Variants in SLC44A5 observed in about 807,000 individuals in gnomAD.
SLC44A5 encodes the protein choline transporter-like protein 5.
Under a neutral mutation model 101.8 loss-of-function variants are expected in SLC44A5, and 57 were observed. That is an observed-to-expected ratio of 0.56 (90% confidence interval 0.45 to 0.70). SLC44A5 has a LOEUF of 0.70. SLC44A5 is among the 30% of genes least tolerant of loss of function. The probability of loss-of-function intolerance (pLI) is 0.00; values close to 1 mark genes in which losing one functional copy is unlikely to be tolerated. For missense variants in SLC44A5, 737 were observed against 853.1 expected (o/e 0.86, Z 1.70); for synonymous variants, 281 against 290.9 (o/e 0.97, Z 0.35).
intron 4 of SLC44A5, among the ~76,000 whole-genome samples, chr1:75,305,738 G>A (rs959073430): frequency 9.9e-5 from 15 of 152,270 alleles, no homozygotes; most frequent in South Asian, 6.2e-4. Flanking sequence ...TAGAATAACC[G>A]TTAACAATGT....
chr1:75,687,079 C>T, the SLC44A5 span, among the ~76,000 whole-genome samples: 34 of 152,110 alleles, frequency 2.2e-4, no homozygotes, highest in African/African-American at 8.0e-4. Context: ...GAAAGAGCTA[C>T]ATAAGCTAGG....
At chr1:75,339,251 A>G (rs967577300) in intron 4 of SLC44A5, among the ~76,000 whole-genome samples, 1 of 152,220 alleles carries the variant, frequency 6.6e-6, no homozygotes, top group African/African-American at 2.4e-5. Context: ...ACAGGTGCAT[A>G]AAACAACTAC....
At chr1:75,479,747 T>C (rs1320744996) in intron 2 of SLC44A5, among the ~76,000 whole-genome samples, 5 of 152,144 alleles carry the variant, frequency 3.3e-5, no homozygotes, top group Admixed American at 6.5e-5. Flanking sequence ...TCTGAAATTG[T>C]GGCAATAATC....
chr1:75,586,734 C>T (rs1674023698), intron 1 of SLC44A5, among the ~76,000 whole-genome samples: 1 of 152,094 alleles, frequency 6.6e-6, no homozygotes, highest in Non-Finnish European at 1.5e-5. Flanking sequence ...TAGGGCATTA[C>T]TTGCTATCTT....
chr1:75,270,524 T>G (rs1328579799), intron 6 of SLC44A5, among the ~76,000 whole-genome samples: 1 of 152,066 alleles, frequency 6.6e-6, no homozygotes, highest in African/African-American at 2.4e-5. Context: ...AAAAATAAAT[T>G]TCTAGGGAAT....
chr1:75,426,545 A>G (rs1020305692), intron 2 of SLC44A5, among the ~76,000 whole-genome samples: 3 of 152,230 alleles, frequency 2.0e-5, no homozygotes, highest in African/African-American at 7.2e-5. Flanking sequence ...CTGCAGAAAG[A>G]CACATCTAAC....
intron 3 of SLC44A5, among the ~76,000 whole-genome samples, chr1:75,388,669 C>G (rs1661572193): frequency 6.6e-6 from 1 of 151,824 alleles, no homozygotes; most frequent in Admixed American, 6.6e-5. Flanking sequence ...GTCCCAGCAA[C>G]TTGGGAGGCT....
chr1:75,716,485 CAAAAA>C, the SLC44A5 span, among the ~76,000 whole-genome samples: 22 of 151,748 alleles, frequency 1.4e-4, no homozygotes, highest in African/African-American at 5.1e-4. Context: ...AAAGGAAAAA[CAAAAA>C]GAAAAGGGAA....
chr1:75,206,549 A>AATC, intron 23 of SLC44A5: 1 of 1,150,452 alleles, frequency 8.7e-7, no homozygotes, highest in East Asian at 2.4e-5. Context: ...TCCAAATTAC[A>AATC]ATCAACCTAA....
At chr1:75,292,712 T>A (rs897772454) in intron 5 of SLC44A5, among the ~76,000 whole-genome samples, 1 of 152,182 alleles carries the variant, frequency 6.6e-6, no homozygotes, top group Non-Finnish European at 1.5e-5. Flanking sequence ...CCCAAACTGT[T>A]CTTGGATACT....
chr1:75,321,608 AC>A (rs1399115538), intron 4 of SLC44A5, among the ~76,000 whole-genome samples: 1 of 152,156 alleles, frequency 6.6e-6, no homozygotes, highest in East Asian at 1.9e-4. Context: ...GGGTTTCAAC[AC>A]GTATATTTTG....
the SLC44A5 span, among the ~76,000 whole-genome samples, chr1:75,678,443 G>A: frequency 6.6e-6 from 1 of 151,964 alleles, no homozygotes; most frequent in Non-Finnish European, 1.5e-5. Flanking sequence ...TCCTCAAGTG[G>A]GTCCCTGACC....
intron 3 of SLC44A5, among the ~76,000 whole-genome samples, chr1:75,350,458 G>T (rs563397267): frequency 6.6e-6 from 1 of 151,748 alleles, no homozygotes; most frequent in South Asian, 2.1e-4. Context: ...AGTAGGCTAA[G>T]AAATATACAA....
At chr1:75,509,136 C>T (rs1266872964) in intron 2 of SLC44A5, among the ~76,000 whole-genome samples, 2 of 152,194 alleles carry the variant, frequency 1.3e-5, no homozygotes, top group Non-Finnish European at 2.9e-5. Context: ...ATGCCCCACA[C>T]CTCGTGCTTC....
the SLC44A5 span, among the ~76,000 whole-genome samples, chr1:75,672,945 G>T: frequency 2.0e-5 from 3 of 152,106 alleles, no homozygotes; most frequent in Non-Finnish European, 2.9e-5. Flanking sequence ...TGACTAGTCA[G>T]CAGTAGCCCA....
chr1:75,510,000 T>C (rs1447467022), intron 2 of SLC44A5, among the ~76,000 whole-genome samples: 1 of 152,136 alleles, frequency 6.6e-6, no homozygotes, highest in African/African-American at 2.4e-5. Flanking sequence ...AAGACACATC[T>C]TACATGGCAG....
At chr1:75,548,787 T>G (rs1671787682) in intron 1 of SLC44A5, among the ~76,000 whole-genome samples, 1 of 152,188 alleles carries the variant, frequency 6.6e-6, no homozygotes, top group Non-Finnish European at 1.5e-5. Context: ...AAGCTCCCAC[T>G]TTGTAGATGA....
At chr1:75,281,046 G>A (rs944985160) in intron 5 of SLC44A5, among the ~76,000 whole-genome samples, 2 of 152,112 alleles carry the variant, frequency 1.3e-5, no homozygotes, top group African/African-American at 2.4e-5. Flanking sequence ...CAGTTTGGAG[G>A]GCTCAGAAGA....
intron 2 of SLC44A5, among the ~76,000 whole-genome samples, chr1:75,539,650 G>A (rs183521530): frequency 1.4e-3 from 213 of 151,808 alleles, no homozygotes; most frequent in Non-Finnish European, 1.9e-3. Context: ...AATGGCTCAA[G>A]CCTTGAGTAA....
Sources: allele counts gnomAD v4.1 joint callset (sites outside exome capture counted in the v4.1 genomes callset), GRCh38; gene constraint gnomAD v4.1.1; transcripts MANE v1.5; gene names NCBI Gene and HGNC (gene_info 2026-07-23, HGNC 2026-07-21).